NXPE2: variants seen among roughly 807,000 people sequenced by gnomAD.
NXPE2 encodes NXPE family member 2.
Under a neutral mutation model 34.4 loss-of-function variants are expected in NXPE2, and 34 were observed. The observed-to-expected ratio is 0.99, with a 90% CI of 0.75 to 1.31. NXPE2 has a LOEUF of 1.31. Among genes scored for constraint, NXPE2 ranks in the 40% most tolerant of loss-of-function variants. The pLI is 0.00. For missense variants in NXPE2, 649 were observed against 672.5 expected (o/e 0.97, Z 0.39); for synonymous variants, 235 against 231.3 (o/e 1.02, Z -0.15).
the NXPE2 span, among the ~76,000 whole-genome samples, chr11:114,796,908 T>C: frequency 2.6e-5 from 4 of 152,150 alleles, no homozygotes; most frequent in South Asian, 2.1e-4. Flanking sequence ...TCCAGGCAGA[T>C]GGAAAAGTAT....
At chr11:114,725,887 T>C in the NXPE2 span, among the ~76,000 whole-genome samples, 41 of 150,476 alleles carry the variant, frequency 2.7e-4, no homozygotes, top group Non-Finnish European at 3.7e-4. Flanking sequence ...TAAGTTCTCC[T>C]AGAGAGTGGC....
At chr11:114,557,642 T>TAATAC in the NXPE2 span, among the ~76,000 whole-genome samples, 1 of 25,396 alleles carries the variant, frequency 3.9e-5, no homozygotes, top group South Asian at 1.5e-3. Context: ...TACATATATA[T>TAATAC]ATATATATAT....
the NXPE2 span, among the ~76,000 whole-genome samples, chr11:114,492,497 G>A: frequency 6.6e-6 from 1 of 151,292 alleles, no homozygotes; most frequent in Non-Finnish European, 1.5e-5. Context: ...TATCTGTTAG[G>A]TCAACTTGAT....
the NXPE2 span, among the ~76,000 whole-genome samples, chr11:114,788,721 T>C: frequency 6.6e-6 from 1 of 152,222 alleles, no homozygotes; most frequent in Non-Finnish European, 1.5e-5. Flanking sequence ...TTCAGGTCCA[T>C]TGTCTGTGAA....
the NXPE2 span, among the ~76,000 whole-genome samples, chr11:114,739,739 T>A: frequency 6.6e-6 from 1 of 152,250 alleles, no homozygotes; most frequent in South Asian, 2.1e-4. Flanking sequence ...CCCTATTTCC[T>A]CTGCTCCTTG....
the NXPE2 span, among the ~76,000 whole-genome samples, chr11:114,788,834 G>T: frequency 6.6e-6 from 1 of 152,118 alleles, no homozygotes; most frequent in African/African-American, 2.4e-5. Context: ...TATTAAATTA[G>T]AACTTTTCTT....
the NXPE2 span, among the ~76,000 whole-genome samples, chr11:114,657,565 C>A: frequency 6.6e-6 from 1 of 151,972 alleles, no homozygotes; most frequent in Non-Finnish European, 1.5e-5. Context: ...CTAGATATTG[C>A]TATTTAATGT....
the NXPE2 span, among the ~76,000 whole-genome samples, chr11:114,606,209 G>A: frequency 5.9e-5 from 9 of 151,928 alleles, no homozygotes; most frequent in Admixed American, 1.3e-4. Context: ...TGGATAATAC[G>A]TATTGCCTCA....
chr11:114,592,555 T>C, the NXPE2 span, among the ~76,000 whole-genome samples: 1 of 151,808 alleles, frequency 6.6e-6, no homozygotes, highest in Admixed American at 6.6e-5. Context: ...ACAAAATAGA[T>C]ATTCCATGTT....
chr11:114,485,493 G>A, the NXPE2 span, among the ~76,000 whole-genome samples: 1 of 147,110 alleles, frequency 6.8e-6, no homozygotes, highest in Non-Finnish European at 1.5e-5. Flanking sequence ...GCCTCCCAAA[G>A]TGTTGGGATT....
the NXPE2 span, among the ~76,000 whole-genome samples, chr11:114,562,677 T>A: frequency 1.3e-5 from 2 of 152,274 alleles, no homozygotes; most frequent in Admixed American, 6.5e-5. Context: ...AAGTAAATTA[T>A]CTCTTTCAGT....
At chr11:114,513,254 G>A in the NXPE2 span, 1 of 519,810 alleles carries the variant, frequency 1.9e-6, no homozygotes, top group Non-Finnish European at 3.8e-6. Context: ...GATGGTGGCT[G>A]TGCTGTGTGC....
chr11:114,557,634 CATATATATATATATATATATAT>C, the NXPE2 span, among the ~76,000 whole-genome samples: 40 of 128,454 alleles, frequency 3.1e-4, no homozygotes, highest in African/African-American at 6.9e-4. Flanking sequence ...ATATATAATA[CATATATATATATATATATATAT>C]ATATATATAT....
intron 2 of NXPE2, among the ~76,000 whole-genome samples, chr11:114,696,345 A>C (rs1205800376): frequency 1.2e-4 from 18 of 147,820 alleles, no homozygotes; most frequent in Non-Finnish European, 2.4e-4. Flanking sequence ...AAAACCAAAA[A>C]AAAAAAAAAA....
the NXPE2 span, among the ~76,000 whole-genome samples, chr11:114,533,240 G>A: frequency 6.6e-6 from 1 of 152,140 alleles, no homozygotes; most frequent in Non-Finnish European, 1.5e-5. Flanking sequence ...ATAGCAAGAA[G>A]CCGAATACAA....
the NXPE2 span, among the ~76,000 whole-genome samples, chr11:114,653,672 C>G: frequency 6.6e-6 from 1 of 151,740 alleles, no homozygotes; most frequent in African/African-American, 2.4e-5. Context: ...GGACTACAGG[C>G]GCCCACCACT....
the NXPE2 span, among the ~76,000 whole-genome samples, chr11:114,601,521 A>ATTATAAGTATATATAATATATATTAT: frequency 9.6e-6 from 1 of 104,540 alleles, no homozygotes; most frequent in Non-Finnish European, 1.9e-5. Context: ...TATATTATAT[A>ATTATAAGTATATATAATATATATTAT]TTATAATTAT....
chr11:114,784,450 A>T, the NXPE2 span, among the ~76,000 whole-genome samples: 1 of 152,302 alleles, frequency 6.6e-6, no homozygotes, highest in East Asian at 1.9e-4. Flanking sequence ...TGCGGCAAAG[A>T]TGCAGTCATC....
the NXPE2 span, among the ~76,000 whole-genome samples, chr11:114,725,301 A>T: frequency 1.3e-5 from 2 of 152,106 alleles, no homozygotes; most frequent in Non-Finnish European, 2.9e-5. Context: ...CTGCCTTGAC[A>T]TCCATTTTTA....
Sources: gnomAD v4.1 joint callset for allele counts (sites outside exome capture counted in the v4.1 genomes callset) on GRCh38, gnomAD v4.1.1 for gene constraint, MANE v1.5 for transcripts, NCBI Gene and HGNC (gene_info 2026-07-23, HGNC 2026-07-21) for gene names.